The following SULF1 variants were observed in gnomAD, a reference collection of about 807,000 sequenced individuals.
SULF1 encodes extracellular sulfatase Sulf-1.
In SULF1, 46 loss-of-function variants were observed where a neutral mutation model predicts 110.5. The observed-to-expected ratio is 0.42, with a 90% CI of 0.33 to 0.53. The LOEUF is 0.53. SULF1 is among the 20% of genes least tolerant of loss of function. The pLI is 0.12. For missense variants in SULF1, 941 were observed against 1,094.2 expected, an observed-to-expected ratio of 0.86 and a Z score of 1.98; for synonymous variants, 371 against 387.1, an observed-to-expected ratio of 0.96 and a Z score of 0.49.
intron 22 of SULF1, among the ~76,000 whole-genome samples, chr8:69,643,762 G>C (rs964828125): frequency 6.6e-6 from 1 of 152,272 alleles, no homozygotes; most frequent in Admixed American, 6.5e-5. Context: ...ACTCACCCTG[G>C]TCATTTTCCA....
intron 21 of SULF1, among the ~76,000 whole-genome samples, chr8:69,639,710 G>A (rs538724321): frequency 1.3e-5 from 2 of 152,240 alleles, no homozygotes; most frequent in Admixed American, 6.5e-5. Context: ...TTGTGGTGCC[G>A]CTGGGTTTTC....
intron 8 of SULF1, among the ~76,000 whole-genome samples, chr8:69,595,643 C>A (rs760309882): frequency 6.6e-6 from 1 of 152,106 alleles, no homozygotes; most frequent in Non-Finnish European, 1.5e-5. Context: ...GAATTGAAGT[C>A]TTATTTCATT....
chr8:69,568,980 G>T (rs1805019699), intron 5 of SULF1, among the ~76,000 whole-genome samples: 1 of 152,126 alleles, frequency 6.6e-6, no homozygotes, highest in Admixed American at 6.5e-5. Context: ...TCAGAAGGAA[G>T]AAAATAAAAA....
chr8:69,498,741 G>A (rs1158437306), intron 2 of SULF1, among the ~76,000 whole-genome samples: 1 of 152,150 alleles, frequency 6.6e-6, no homozygotes, highest in Admixed American at 6.5e-5. Flanking sequence ...GACTTTTCCA[G>A]ATAAAGAACA....
At chr8:69,636,524 G>A (rs925071445) in intron 19 of SULF1, among the ~76,000 whole-genome samples, 9 of 150,648 alleles carry the variant, frequency 6.0e-5, no homozygotes, top group Admixed American at 5.3e-4. Flanking sequence ...GCGACAGAGC[G>A]ATACTCCATC....
intron 22 of SULF1, among the ~76,000 whole-genome samples, chr8:69,648,172 A>C (rs1473311546): frequency 6.6e-6 from 1 of 151,644 alleles, no homozygotes; most frequent in Non-Finnish European, 1.5e-5. Context: ...TCAGCAAAAC[A>C]TGGAAGGGCT....
At chr8:69,601,946 T>TA in intron 10 of SULF1, 117 bp downstream of exon 10, 1 of 1,053,920 alleles carries the variant, frequency 9.5e-7, no homozygotes, top group Non-Finnish European at 1.3e-6. Flanking sequence ...AGGATGTGTG[T>TA]AGGCTGGTTA....
At position 69,482,458 on chromosome 8, in the gene SULF1, A is replaced by G. The variant is rs1315666814; in HGVS notation, c.-390-13307A>G. Among the ~76,000 whole-genome samples, 6 of 152,320 alleles carry G rather than the reference A, an allele frequency of 3.9e-5. No homozygotes were observed. In the East Asian group the frequency reaches 1.2e-3, roughly 29 times the overall value. ...TTTAAAGAAATAGAAACAGAGGCACATCTTTGGTGACACATACTGAAATAT... is the reference window on the plus strand; with the variant it reads ...TTTAAAGAAATAGAAACAGAGGCACGTCTTTGGTGACACATACTGAAATAT... On this transcript the variant is annotated intron_variant, in intron 1 of 22. Coordinates refer to the SULF1 transcript ENST00000260128.
intron 1 of SULF1, among the ~76,000 whole-genome samples, chr8:69,485,295 T>C (rs1004584915): frequency 2.6e-5 from 4 of 152,248 alleles, no homozygotes; most frequent in African/African-American, 9.6e-5. Flanking sequence ...TGTTCTACCC[T>C]GTGCATTCCA....
At chr8:69,635,312 G>C (rs1810900720) in intron 19 of SULF1, among the ~76,000 whole-genome samples, 1 of 152,178 alleles carries the variant, frequency 6.6e-6, no homozygotes, top group South Asian at 2.1e-4. Context: ...GAGTGACAAT[G>C]ATGTCTCAAT....
chr8:69,494,879 C>T (rs985254867), intron 1 of SULF1, among the ~76,000 whole-genome samples: 1 of 115,498 alleles, frequency 8.7e-6, no homozygotes, highest in African/African-American at 3.7e-5. Context: ...GATCCTATCT[C>T]AAAGGAAAAA....
In SULF1 at chr8:69,625,646, T is replaced by G. The variant is rs142310162; in HGVS notation, c.1850+1449T>G. ...TTCGTTCCTCCCAGTGGGCTCGTGG[T>G]CTCGCTGGGCTCAGGAGTGAAGCTA... On this transcript the variant is annotated intron_variant, in intron 15 of 22. Coordinates refer to ENST00000402687, the MANE Select transcript of SULF1 (RefSeq NM_001128205.2). 2.4e-3 allele frequency among the ~76,000 whole-genome samples: 369 copies of G among 152,284 alleles called. 1 individual carries two copies. Among genetic ancestry groups the G allele is most frequent in the East Asian group, 8.3e-3 (43 of 5,180 alleles).
At chr8:69,545,736 G>A (rs1256642006) in intron 3 of SULF1, among the ~76,000 whole-genome samples, 10 of 151,876 alleles carry the variant, frequency 6.6e-5, no homozygotes, top group Admixed American at 1.3e-4. Context: ...CGCTCTTTTC[G>A]CCCAGGCTGG....
chr8:69,534,870 T>A lies in SULF1; in HGVS notation c.-133-28669T>A, dbSNP rs931941803. On this transcript the variant is annotated intron_variant, in intron 3 of 22. Transcript: ENST00000402687. ...AATGAATTAATACTTAAAGGAAATT[T>A]AAAAAAAAAAAATTCAGCTAAGAGA... Among the ~76,000 whole-genome samples the A allele has an allele frequency of 1.7e-4, 26 of 149,426 alleles. No individual in the cohort carries two copies. In the South Asian group the frequency reaches 1.9e-3, roughly 11 times the overall value.
intron 22 of SULF1, among the ~76,000 whole-genome samples, chr8:69,645,725 A>ACTTACG (rs368699781): frequency 1.0e-4 from 13 of 129,842 alleles, no homozygotes; most frequent in African/African-American, 5.4e-4. Context: ...TCGTGTGGGG[A>ACTTACG]CTTATCATCA....
Position 69,658,929 on chromosome 8 carries a change from T to C in SULF1, c.*394T>C, listed in dbSNP as rs1460016263. 2 of 466,140 alleles carry C rather than the reference T, an allele frequency of 4.3e-6. No individual in the cohort carries two copies. The highest frequency in any genetic ancestry group is 2.3e-5 in the Admixed American group (1 of 42,864). 28.9% of individuals were successfully genotyped at this position (466,140 alleles called of 1,614,324 possible). On this transcript the variant is annotated 3_prime_UTR_variant, in exon 23 of 23. Coordinates refer to ENST00000402687, the MANE Select transcript of SULF1 (RefSeq NM_001128205.2). Reference sequence around the variant, plus strand: ...GTAAACTTGAATGGAATAACGACATTCCAGAAGTTAATCATTTGAATTCTG... The same window carrying C: ...GTAAACTTGAATGGAATAACGACATCCCAGAAGTTAATCATTTGAATTCTG...
chr8:69,577,266 T>C (rs1237197054), intron 6 of SULF1, among the ~76,000 whole-genome samples: 1 of 152,216 alleles, frequency 6.6e-6, no homozygotes, highest in Non-Finnish European at 1.5e-5. Context: ...GTGATTTAAA[T>C]TTATAGCACC....
chr8:69,591,016 C>T (rs895825014), intron 8 of SULF1, among the ~76,000 whole-genome samples: 4 of 152,176 alleles, frequency 2.6e-5, no homozygotes, highest in Non-Finnish European at 5.9e-5. Context: ...TCTAAGGTGA[C>T]TTCCTATAAC....
chr8:69,478,100 G>A (rs1809378102), intron 1 of SULF1, among the ~76,000 whole-genome samples: 1 of 152,054 alleles, frequency 6.6e-6, no homozygotes, highest in South Asian at 2.1e-4. Flanking sequence ...GCAATCCCCT[G>A]CCTCAGCATT....
Sources: allele counts gnomAD v4.1 joint callset (sites outside exome capture counted in the v4.1 genomes callset), GRCh38; gene constraint gnomAD v4.1.1; transcripts MANE v1.5; gene names NCBI Gene and HGNC (gene_info 2026-07-23, HGNC 2026-07-21).